Variants in ZNF385D observed in about 807,000 individuals in gnomAD.
ZNF385D encodes the protein zinc finger protein 659.
In ZNF385D, 15 loss-of-function variants were observed where a neutral mutation model predicts 35.8. The observed-to-expected ratio is 0.42, with a 90% CI of 0.28 to 0.64. ZNF385D has a LOEUF of 0.64. ZNF385D is among the 30% of genes least tolerant of loss of function. ZNF385D has a pLI of 0.23. For synonymous variants in ZNF385D, 212 were observed against 186.8 expected (o/e 1.13, Z -1.10); for missense variants, 474 against 494.6 (o/e 0.96, Z 0.39).
At chr3:22,015,837 A>T (rs1017797796) in intron 3 of ZNF385D, among the ~76,000 whole-genome samples, 2 of 152,018 alleles carry the variant, frequency 1.3e-5, no homozygotes, top group Non-Finnish European at 2.9e-5. Context: ...CACTATGCCA[A>T]AGTTCTAGAG....
chr3:21,550,824 T>C (rs2062542578), intron 3 of ZNF385D, among the ~76,000 whole-genome samples: 1 of 152,174 alleles, frequency 6.6e-6, no homozygotes. Context: ...TCTCAATATA[T>C]TGTAATGATA....
chr3:22,152,479 T>G (rs1167475796), intron 3 of ZNF385D, among the ~76,000 whole-genome samples: 1 of 152,166 alleles, frequency 6.6e-6, no homozygotes, highest in Non-Finnish European at 1.5e-5. Flanking sequence ...AATCAAGGTG[T>G]TGGAAGGTCT....
intron 3 of ZNF385D, among the ~76,000 whole-genome samples, chr3:21,944,727 TG>T (rs2125282849): frequency 6.7e-6 from 1 of 148,984 alleles, no homozygotes; most frequent in South Asian, 2.1e-4. Flanking sequence ...ATTAGTGTTA[TG>T]GGATGAGAGA....
chr3:21,954,639 G>A (rs1330462433), intron 3 of ZNF385D, among the ~76,000 whole-genome samples: 2 of 151,908 alleles, frequency 1.3e-5, no homozygotes, highest in African/African-American at 4.8e-5. Flanking sequence ...ACAACTCAGT[G>A]GCAACATGAT....
intron 2 of ZNF385D, among the ~76,000 whole-genome samples, chr3:21,640,970 G>A (rs1021608741): frequency 6.6e-6 from 1 of 152,052 alleles, no homozygotes; most frequent in African/African-American, 2.4e-5. Flanking sequence ...GAAGGAGTGG[G>A]ATGGTATGAA....
chr3:21,916,543 T>A (rs1302543595), intron 3 of ZNF385D, among the ~76,000 whole-genome samples: 9 of 152,330 alleles, frequency 5.9e-5, no homozygotes, highest in Non-Finnish European at 1.3e-4. Context: ...TAACCACAAA[T>A]AATATACTTG....
chr3:22,090,309 C>G (rs1701264686), intron 3 of ZNF385D, among the ~76,000 whole-genome samples: 1 of 152,114 alleles, frequency 6.6e-6, no homozygotes, highest in Non-Finnish European at 1.5e-5. Context: ...AAATGGGATA[C>G]TAGGAATCCA....
intron 3 of ZNF385D, among the ~76,000 whole-genome samples, chr3:21,983,036 T>C (rs1336711729): frequency 3.3e-5 from 5 of 152,006 alleles, no homozygotes; most frequent in Non-Finnish European, 5.9e-5. Context: ...ATCAAGGATA[T>C]TGGGCTGAAG....
chr3:22,164,216 C>CTTTTGTTTTTTTTTTTT (rs1706158194), intron 3 of ZNF385D, among the ~76,000 whole-genome samples: 1 of 74,912 alleles, frequency 1.3e-5, no homozygotes, highest in African/African-American at 5.0e-5. Context: ...AAAAGGAGCA[C>CTTTTGTTTTTTTTTTTT]TTTTTTTTTT....
intron 3 of ZNF385D, among the ~76,000 whole-genome samples, chr3:22,077,555 G>A (rs1700527515): frequency 6.6e-6 from 1 of 151,962 alleles, no homozygotes; most frequent in Admixed American, 6.6e-5. Context: ...CACTAAGGGT[G>A]AGGTTCTGTA....
rs1312148881 is a variant in ZNF385D, at chr3:22,203,942, T to G, written c.107-34907A>C. ...CCCGAAGGGAAGAAAAGAAGTCTGG[T>G]TGGCTTCATAACCTGCTGATTATGG... On this transcript the variant is annotated intron_variant, in intron 2 of 5. Transcript: ENST00000494108. 3.3e-5 allele frequency among the ~76,000 whole-genome samples: 5 copies of G among 152,198 alleles called. No individual in the cohort carries two copies. The South Asian group carries it at 1.0e-3, about 31-fold the overall frequency.
At chr3:21,485,388 G>T (rs904261205) in intron 4 of ZNF385D, among the ~76,000 whole-genome samples, 1 of 152,106 alleles carries the variant, frequency 6.6e-6, no homozygotes, top group Non-Finnish European at 1.5e-5. Context: ...GAGCCGACTT[G>T]AGAAGACAAC....
intron 3 of ZNF385D, among the ~76,000 whole-genome samples, chr3:21,972,358 A>T (rs986134140): frequency 1.3e-5 from 2 of 152,014 alleles, no homozygotes; most frequent in African/African-American, 4.8e-5. Flanking sequence ...AGAAATTAAG[A>T]AGAAAATGTA....
At chr3:22,348,485 T>TAAAAAAAAAAAAAAA (rs1168729541) in intron 2 of ZNF385D, among the ~76,000 whole-genome samples, 18 of 84,868 alleles carry the variant, frequency 2.1e-4, no homozygotes, top group African/African-American at 4.0e-4. Flanking sequence ...CCATCTCTAC[T>TAAAAAAAAAAAAAAA]AAAAAAAAAA....
rs577629440 is a variant in ZNF385D, at chr3:22,130,697, C to T, written c.325+38120G>A. Among the ~76,000 whole-genome samples, 11 of 152,210 alleles carry T rather than the reference C, an allele frequency of 7.2e-5. No individual in the cohort carries two copies. In the South Asian group the frequency reaches 8.3e-4, roughly 11 times the overall value. On this transcript the variant is annotated intron_variant, in intron 3 of 5. Transcript: ENST00000494108. ...ACACTGCTGGGAGATAGGAGAGGGG[C>T]GGTGTAGACAATTCAAGACTGCCTT...
intron 2 of ZNF385D, among the ~76,000 whole-genome samples, chr3:22,317,146 A>G (rs1413657395): frequency 6.6e-6 from 1 of 151,664 alleles, no homozygotes; most frequent in Non-Finnish European, 1.5e-5. Context: ...GCATGGTGGC[A>G]TGCACCTGTA....
At chr3:21,506,981 A>G (rs1200361668) in intron 4 of ZNF385D, among the ~76,000 whole-genome samples, 1 of 152,050 alleles carries the variant, frequency 6.6e-6, no homozygotes, top group East Asian at 1.9e-4. Context: ...AGGCAACACA[A>G]AAACCCAAGA....
chr3:21,702,520 G>T (rs1459113544), intron 1 of ZNF385D, among the ~76,000 whole-genome samples: 3 of 152,226 alleles, frequency 2.0e-5, no homozygotes, highest in Non-Finnish European at 1.5e-5. Context: ...TGATCTTGGG[G>T]ATTAACATTA....
intron 2 of ZNF385D, among the ~76,000 whole-genome samples, chr3:22,367,707 A>C (rs1262871224): frequency 6.6e-6 from 1 of 152,042 alleles, no homozygotes; most frequent in East Asian, 1.9e-4. Flanking sequence ...TCAGTTGAGG[A>C]TAGATGGAGA....
Sources: allele counts gnomAD v4.1 joint callset (sites outside exome capture counted in the v4.1 genomes callset), GRCh38; gene constraint gnomAD v4.1.1; transcripts MANE v1.5; gene names NCBI Gene and HGNC (gene_info 2026-07-23, HGNC 2026-07-21).